Variants in GRM1 observed in about 807,000 individuals in gnomAD.
The protein encoded by GRM1 is glutamate metabotropic receptor 1, also known as metabotropic glutamate receptor 1.
GRM1 carries 33 observed loss-of-function variants against 90.9 expected under a neutral mutation model. The ratio of observed to expected loss-of-function variants is 0.36; its 90% CI spans 0.28 to 0.49. The LOEUF (loss-of-function observed/expected upper bound fraction) is 0.49, where lower values mean the gene tolerates loss of function less well. Among genes scored for constraint, GRM1 ranks in the 20% least tolerant of loss-of-function variants. The pLI, the probability that GRM1 is intolerant of heterozygous loss-of-function variation, is 0.99. For synonymous variants in GRM1, 700 were observed against 613.2 expected (o/e 1.14, Z -2.09); for missense variants, 1,190 against 1,534.3 (o/e 0.78, Z 3.75).
intron 1 of GRM1, among the ~76,000 whole-genome samples, chr6:146,097,680 A>G (rs894741971): frequency 1.3e-5 from 2 of 152,182 alleles, no homozygotes; most frequent in African/African-American, 4.8e-5. Context: ...AATCTCCTTT[A>G]AGATCCTTGA....
At chr6:146,036,091 T>A (rs1473588085) in intron 1 of GRM1, among the ~76,000 whole-genome samples, 1 of 151,964 alleles carries the variant, frequency 6.6e-6, no homozygotes, top group African/African-American at 2.4e-5. Flanking sequence ...AGTATTAAAA[T>A]TTTTGCCCTT....
intron 1 of GRM1, among the ~76,000 whole-genome samples, chr6:146,154,096 A>G (rs988891554): frequency 6.6e-6 from 1 of 152,184 alleles, no homozygotes; most frequent in African/African-American, 2.4e-5. Context: ...TATTAGGTTT[A>G]AAACACAAGG....
In GRM1 at chr6:146,345,136, A is replaced by G. The variant is rs182852394; in HGVS notation, c.1187-7114A>G. ...AAAATCCACAGTATATCTTATTCCC[A>G]TGTGTTGCTAATACTGTAGTAAACC... On this transcript the variant is annotated intron_variant, in intron 3 of 7. Transcript: ENST00000282753. Among the ~76,000 whole-genome samples, 401 of 152,252 alleles carry G rather than the reference A, an allele frequency of 2.6e-3. 2 individuals are homozygous for G. Among genetic ancestry groups the G allele is most frequent in the African/African-American group, 9.1e-3 (377 of 41,552 alleles).
At chr6:146,348,947 C>T (rs1308505404) in intron 3 of GRM1, among the ~76,000 whole-genome samples, 2 of 152,062 alleles carry the variant, frequency 1.3e-5, no homozygotes, top group Admixed American at 6.6e-5. Context: ...GCTTTCCTCA[C>T]CTGTAAAATA....
chr6:146,418,858 T>C (rs1326032225), intron 7 of GRM1, among the ~76,000 whole-genome samples: 2 of 152,146 alleles, frequency 1.3e-5, no homozygotes, highest in Non-Finnish European at 2.9e-5. Context: ...TAAAGAAAAC[T>C]TCTTTCACGC....
At chr6:146,124,145 A>G in intron 1 of GRM1, among the ~76,000 whole-genome samples, 1 of 152,208 alleles carries the variant, frequency 6.6e-6, no homozygotes, top group Non-Finnish European at 1.5e-5. Context: ...TCCATTTTAC[A>G]GATGAAAAAA....
At chr6:146,301,544 C>T (rs185510284) in intron 2 of GRM1, among the ~76,000 whole-genome samples, 7 of 152,300 alleles carry the variant, frequency 4.6e-5, no homozygotes, top group African/African-American at 1.7e-4. Context: ...CTTGTACAGA[C>T]TGTAAACAAA....
chr6:146,058,667 T>C (rs1248251176), intron 1 of GRM1, among the ~76,000 whole-genome samples: 3 of 152,158 alleles, frequency 2.0e-5, no homozygotes, highest in African/African-American at 7.2e-5. Flanking sequence ...TAGCATACCA[T>C]GCTGTTTGAT....
chr6:146,084,158 A>G (rs9497452), intron 1 of GRM1, among the ~76,000 whole-genome samples: 2,299 of 150,438 alleles, frequency 0.015, 44 homozygotes, highest in African/African-American at 0.052. Context: ...CAGTCTATCT[A>G]TTTTGTCAAT....
intron 1 of GRM1, among the ~76,000 whole-genome samples, chr6:146,077,290 A>T (rs1407664304): frequency 2.6e-5 from 4 of 152,214 alleles, no homozygotes; most frequent in Non-Finnish European, 5.9e-5. Flanking sequence ...AGACAGATAC[A>T]TGCAACACCT....
rs772344729 is a variant in GRM1, at chr6:146,029,657, T to C, written c.140T>C (p.Ile47Thr). 6.2e-7 allele frequency: 1 copy of C among 1,614,136 alleles called. No individual in the cohort carries two copies. Among genetic ancestry groups the C allele is most frequent in the Non-Finnish European group, 8.5e-7 (1 of 1,180,018 alleles). The change falls in exon 1 of 8, where the codon ATT (isoleucine) becomes ACT (threonine). Residue 47 changes from isoleucine (I) to threonine (T), a missense_variant. Physicochemically the swap from Ile to Thr is moderately conservative, Grantham distance 89. Around this residue, in one of 10 missense-constraint regions of GRM1, gnomAD observed 25 missense variants for 65.9 expected, o/e 0.38. Transcript: ENST00000282753. ...GCCAGAATGGACGGAGATGTCATCA[T>C]TGGAGCCCTCTTCTCAGTCCATCAC... is the stretch of plus-strand genomic sequence containing the variant. The part of the protein sequence containing the change: ...SVARMDGDVI[I>T]GALFSVHHQP...
chr6:146,319,212 A>T (rs1044332550), intron 3 of GRM1, among the ~76,000 whole-genome samples: 1 of 151,738 alleles, frequency 6.6e-6, no homozygotes, highest in Non-Finnish European at 1.5e-5. Flanking sequence ...AACACAATTT[A>T]TTAAATGGGG....
In GRM1 at chr6:146,297,306, G is replaced by A. The variant is rs150382258; in HGVS notation, c.951-7305G>A. Among the ~76,000 whole-genome samples the A allele has an allele frequency of 3.2e-3, 484 of 151,916 alleles. 2 individuals carry two copies. Among genetic ancestry groups the A allele is most frequent in the Middle Eastern group, 6.8e-3 (2 of 294 alleles). On this transcript the variant is annotated intron_variant, in intron 2 of 7. Transcript: ENST00000282753. ...CTCCCCAGTAGATGGGACTACAGGC[G>A]CGTGCCACCATGACTGGCTAATTTT...
chr6:146,405,350 G>T (rs1272191181), intron 7 of GRM1, among the ~76,000 whole-genome samples: 1 of 152,140 alleles, frequency 6.6e-6, no homozygotes, highest in Non-Finnish European at 1.5e-5. Context: ...ACACTTAAGA[G>T]ATAACATAAG....
chr6:146,421,862 G>GCTCCATT (rs1310358422), intron 7 of GRM1, among the ~76,000 whole-genome samples: 6 of 152,012 alleles, frequency 3.9e-5, no homozygotes, highest in Non-Finnish European at 8.8e-5. Flanking sequence ...CATACCCAGA[G>GCTCCATT]CTCCATTCTC....
chr6:146,237,391 G>C (rs574741813), intron 2 of GRM1, among the ~76,000 whole-genome samples: 1 of 144,328 alleles, frequency 6.9e-6, no homozygotes, highest in Non-Finnish European at 1.5e-5. Flanking sequence ...AGTTTATTAT[G>C]CTTTGCTGTA....
At chr6:146,089,181 A>G (rs1458039641) in intron 1 of GRM1, among the ~76,000 whole-genome samples, 1 of 152,124 alleles carries the variant, frequency 6.6e-6, no homozygotes, top group Non-Finnish European at 1.5e-5. Flanking sequence ...ACATTGATGA[A>G]GCCCATCTGG....
intron 2 of GRM1, among the ~76,000 whole-genome samples, chr6:146,172,724 G>A (rs1298816246): frequency 6.6e-6 from 1 of 152,128 alleles, no homozygotes; most frequent in Non-Finnish European, 1.5e-5. Flanking sequence ...ATTTCCACAA[G>A]GCAGCATATG....
chr6:146,235,300 A>G (rs933734448), intron 2 of GRM1, among the ~76,000 whole-genome samples: 1 of 151,868 alleles, frequency 6.6e-6, no homozygotes, highest in Admixed American at 6.6e-5. Context: ...TGTTATTCCT[A>G]TCTTTGTTCC....
Sources: allele counts gnomAD v4.1 joint callset (sites outside exome capture counted in the v4.1 genomes callset), GRCh38; gene constraint gnomAD v4.1.1; regional missense constraint gnomAD v4.1.1; transcripts MANE v1.5; gene names NCBI Gene and HGNC (gene_info 2026-07-23, HGNC 2026-07-21).